The following TKTL1 variants were observed in gnomAD, a reference collection of about 807,000 sequenced individuals.
The protein encoded by TKTL1 is transketolase like 1.
A neutral mutation model predicts 39.3 loss-of-function variants in TKTL1; 1 was observed. That is an observed-to-expected ratio of 0.03 (90% CI 0.01 to 0.12). TKTL1 has a LOEUF of 0.12. Ranked by LOEUF, TKTL1 falls within the 10% of genes least tolerant of loss-of-function variation. The probability of loss-of-function intolerance (pLI) is 1.00; values close to 1 mark genes in which losing one functional copy is unlikely to be tolerated. For synonymous variants in TKTL1, 262 were observed against 193.8 expected (o/e 1.35, Z -2.92); for missense variants, 575 against 509.6 (o/e 1.13, Z -1.24).
At chrX:154,306,502 G>C (rs1270974979) in intron 2 of TKTL1, among the ~76,000 whole-genome samples, 5 of 112,074 alleles carry the variant, frequency 4.5e-5, no homozygotes, top group African/African-American at 1.6e-4. Context: ...ATGTGTACGC[G>C]CATGTGTGGA....
At chrX:154,300,843 C>T (rs2067268048) in intron 1 of TKTL1, among the ~76,000 whole-genome samples, 1 of 110,288 alleles carries the variant, frequency 9.1e-6, no homozygotes, top group African/African-American at 3.3e-5. Flanking sequence ...CAGGTGTGTG[C>T]CACCGCACCC....
chrX:154,298,028 C>T (rs2067244336), intron 1 of TKTL1, among the ~76,000 whole-genome samples: 1 of 111,426 alleles, frequency 9.0e-6, no homozygotes, highest in African/African-American at 3.3e-5. Flanking sequence ...GCTTTAGTCT[C>T]CTTACTAGTT....
At chrX:154,299,260 A>G (rs1299898564) in intron 1 of TKTL1, among the ~76,000 whole-genome samples, 1 of 101,583 alleles carries the variant, frequency 9.8e-6, no homozygotes, top group Non-Finnish European at 2.0e-5. Flanking sequence ...GGTTCAAGCA[A>G]TTCTCCTGCC....
chrX:154,297,342 G>A (rs377758608), intron 1 of TKTL1, among the ~76,000 whole-genome samples: 2 of 109,817 alleles, frequency 1.8e-5, no homozygotes, highest in African/African-American at 6.6e-5. Flanking sequence ...TACAAGCTCC[G>A]CCTCCTGGGT....
intron 1 of TKTL1, 125 bp downstream of exon 1, chrX:154,296,118 G>T: frequency 1.1e-6 from 1 of 951,372 alleles, no homozygotes; most frequent in Middle Eastern, 3.4e-4. Flanking sequence ...GTGTCGTAAT[G>T]CCCTGTCTTG....
In TKTL1 at chrX:154,325,374, T is replaced by A; in HGVS notation, c.1353T>A (p.Thr451=). Residue 451 remains threonine (T), a synonymous_variant, in exon 10 of 13, where the codon ACT becomes ACA. Coordinates refer to ENST00000369915, the MANE Select transcript of TKTL1 (RefSeq NM_012253.4). ...TCATTCGGACCACCCGACCAGAAAC[T>A]ATGGTTATTTACACCCCACAAGAAC... ...MCFIRTTRPE[T]MVIYTPQERF... 1 of 1,211,795 alleles carries A rather than the reference T, an allele frequency of 8.3e-7. No individual in the cohort carries two copies. Among genetic ancestry groups the A allele is most frequent in the Non-Finnish European group, 1.1e-6 (1 of 895,402 alleles).
rs782155385 is a variant in TKTL1, at chrX:154,329,738, T to G, written c.*50T>G. On this transcript the variant is annotated 3_prime_UTR_variant, in exon 13 of 13. Transcript: ENST00000369915. ...GGCCTCTTTACCCTGTGTTTATGTT[T>G]GTTCCAAAACCATCATTTAAATCTC... 103 of 1,161,387 alleles carry G rather than the reference T, an allele frequency of 8.9e-5. No individual in the cohort carries two copies. Among genetic ancestry groups the G allele is most frequent in the Non-Finnish European group, 1.2e-4 (101 of 857,614 alleles).
intron 2 of TKTL1, among the ~76,000 whole-genome samples, chrX:154,308,100 G>C (rs2067329371): frequency 8.9e-6 from 1 of 112,076 alleles, no homozygotes; most frequent in Non-Finnish European, 1.9e-5. Flanking sequence ...TGACAGGCAG[G>C]AAACAAACTT....
At chrX:154,297,660 C>T (rs2067241311) in intron 1 of TKTL1, among the ~76,000 whole-genome samples, 1 of 110,941 alleles carries the variant, frequency 9.0e-6, no homozygotes, top group Admixed American at 9.6e-5. Context: ...TTGGAGAGGT[C>T]GGGCGTGGTG....
intron 7 of TKTL1, among the ~76,000 whole-genome samples, chrX:154,315,857 C>T (rs1292688786): frequency 1.8e-5 from 2 of 112,323 alleles, no homozygotes; most frequent in East Asian, 2.8e-4. Flanking sequence ...ATCTATGCCT[C>T]AGTCTCTCCC....
At position 154,305,416 on chromosome X, in the gene TKTL1, G is replaced by A. The variant is rs1557167035; in HGVS notation, c.247G>A (p.Ala83Thr). The change falls in exon 2 of 13, where the codon GCA becomes ACA. Residue 83 changes from alanine to threonine, a missense_variant. Transcript: ENST00000369915. ...ENPDNDRFVL[A>T]KRLSFVDVAT... is the part of the protein sequence containing the mutation. ...TCCGGACAACGACCGATTTGTCCTC[G>A]CAAAGGTATGCCGGTGGGGAGCCCA... 14 of 1,205,909 alleles carry A rather than the reference G, an allele frequency of 1.2e-5. No homozygotes were observed. In the South Asian group the frequency reaches 1.2e-4, roughly 11 times the overall value.
intron 1 of TKTL1, among the ~76,000 whole-genome samples, chrX:154,301,517 A>G (rs1366803808): frequency 1.8e-5 from 2 of 112,281 alleles, no homozygotes; most frequent in African/African-American, 3.2e-5. Context: ...ACTGTGTCTC[A>G]AAAAATAAAT....
rs191187454 is a variant in TKTL1, at chrX:154,300,985, C to T, written c.135-4319C>T. Among the ~76,000 whole-genome samples, 653 of 109,840 alleles carry T rather than the reference C, an allele frequency of 5.9e-3. 5 individuals carry two copies. The highest frequency in any genetic ancestry group is 0.01 in the Non-Finnish European group (527 of 52,566). On this transcript the variant is annotated intron_variant, in intron 1 of 12. Transcript: ENST00000369915. Reference sequence around the variant, plus strand: ...GCTGGAATTACAGATGTGAGCCAACCGCGCCTGGCCTAGGGTTTTCTAGCT... The same window carrying T: ...GCTGGAATTACAGATGTGAGCCAACTGCGCCTGGCCTAGGGTTTTCTAGCT...
At chrX:154,325,157 C>G (rs782130143) in intron 9 of TKTL1, among the ~76,000 whole-genome samples, 182 bp from the exon 10 acceptor site, 1 of 112,168 alleles carries the variant, frequency 8.9e-6, no homozygotes, top group African/African-American at 3.2e-5. Context: ...TCCTTCAGGG[C>G]AGCCCCAAGG....
At chrX:154,301,941 T>C (rs1342821639) in intron 1 of TKTL1, among the ~76,000 whole-genome samples, 1 of 109,398 alleles carries the variant, frequency 9.1e-6, no homozygotes, top group African/African-American at 3.3e-5. Context: ...GAGACAATTA[T>C]TTATTTTAGG....
chrX:154,319,828 G>A (rs1209810540), intron 7 of TKTL1, among the ~76,000 whole-genome samples: 5 of 111,438 alleles, frequency 4.5e-5, no homozygotes, highest in African/African-American at 9.8e-5. Flanking sequence ...GGGATCTTGA[G>A]TGTAACACCC....
intron 1 of TKTL1, among the ~76,000 whole-genome samples, chrX:154,300,576 C>T (rs193297334): frequency 8.9e-6 from 1 of 112,063 alleles, no homozygotes; most frequent in East Asian, 2.8e-4. Context: ...GATTCTCAAG[C>T]TTGGTCGTTG....
rs2067525910 is a variant in TKTL1, at chrX:154,330,065, TTC to T, written c.*378_*379del. 7.5e-6 allele frequency: 1 copy of T among 133,090 alleles called. No homozygotes were observed. The highest frequency in any genetic ancestry group is 1.5e-5 in the Non-Finnish European group (1 of 66,998). 11.0% of individuals were successfully genotyped at this position (133,090 alleles called of 1,213,427 possible). On this transcript the variant is annotated 3_prime_UTR_variant, in exon 13 of 13. Transcript: ENST00000369915. ...GTAATAGTTTTTTCAATGTATTTCC[TTC>T]ATGAGTAAAGAAAATGTGGATTGAA...
intron 11 of TKTL1, 61 bp downstream of exon 11, chrX:154,327,748 C>T (rs1319233102): frequency 1.7e-6 from 2 of 1,191,503 alleles, no homozygotes; most frequent in African/African-American, 3.5e-5. Context: ...CTTCAGCTAC[C>T]TCCTGTGCCC....
Sources: allele counts gnomAD v4.1 joint callset (sites outside exome capture counted in the v4.1 genomes callset), GRCh38; gene constraint gnomAD v4.1.1; transcripts MANE v1.5; gene names NCBI Gene and HGNC (gene_info 2026-07-23, HGNC 2026-07-21).